Variants in LCA5 observed in about 807,000 individuals in gnomAD.
LCA5 encodes lebercilin LCA5, also known as lebercilin.
A neutral mutation model predicts 53.0 loss-of-function variants in LCA5; 37 were observed. The observed-to-expected ratio is 0.70, with a 90% CI of 0.54 to 0.92. LCA5 has a LOEUF of 0.92. Ranked by LOEUF, LCA5 falls within the 40% of genes least tolerant of loss-of-function variation. LCA5 has a pLI of 0.00. For missense variants in LCA5, 806 were observed against 790.5 expected, an observed-to-expected ratio of 1.02 and a Z score of -0.23; for synonymous variants, 303 against 282.9, an observed-to-expected ratio of 1.07 and a Z score of -0.71.
Position 79,486,041 on chromosome 6 carries a change from T to C in LCA5, c.*963A>G, listed in dbSNP as rs1233928122. 1.3e-5 allele frequency: 2 copies of C among 152,234 alleles called. No individual in the cohort carries two copies. Among genetic ancestry groups the C allele is most frequent in the African/African-American group, 2.4e-5 (1 of 41,470 alleles). 9.4% of individuals were successfully genotyped at this position (152,234 alleles called of 1,614,324 possible). On this transcript the variant is annotated 3_prime_UTR_variant, in exon 8 of 8. Coordinates refer to ENST00000369846, the MANE Select transcript of LCA5 (RefSeq NM_001122769.3). ...AAAACTAATCCTGTAAGTCCAATAG[T>C]ATTACACTATTGTTGTCTCCTTGGT... is the stretch of plus-strand genomic sequence containing the variant.
Position 79,485,531 on chromosome 6 carries a change from A to T in LCA5, c.*1473T>A, listed in dbSNP as rs1282509999. 1 of 152,398 alleles carries T rather than the reference A, an allele frequency of 6.6e-6. No individual in the cohort carries two copies. Among genetic ancestry groups the T allele is most frequent in the East Asian group, 1.9e-4 (1 of 5,192 alleles). 9.4% of individuals were successfully genotyped at this position (152,398 alleles called of 1,614,324 possible). A position where few individuals can be genotyped will look rare whatever the true frequency, so the allele number is the denominator to read the frequency against. On this transcript the variant is annotated 3_prime_UTR_variant, in exon 8 of 8. Transcript: ENST00000369846. ...ATTCTGTTCCCAATAAATGAAAGGA[A>T]CACAATTTAGAAGATGACAGGTGGT...
In LCA5 at chr6:79,487,442, T is replaced by C. The variant is rs368885365; in HGVS notation, c.1656A>G (p.Ala552=). 1.9e-6 allele frequency: 3 copies of C among 1,613,910 alleles called. No individual in the cohort carries two copies. The highest frequency in any genetic ancestry group is 2.5e-6 in the Non-Finnish European group (3 of 1,179,896). Residue 552 remains alanine (A), a synonymous_variant, in exon 8 of 8, where the codon GCA becomes GCG. Coordinates refer to ENST00000369846, the MANE Select transcript of LCA5 (RefSeq NM_001122769.3). The part of the protein sequence containing the change: ...VRSPASPNEF[A]FGSYVPSFAK... The stretch of plus-strand genomic sequence containing the variant: ...CAAACGAAGGCACGTAGCTACCAAA[T>C]GCGAACTCATTAGGGGAGGCTGGAC...
At chr6:79,507,800 G>A (rs1219175586) in intron 3 of LCA5, among the ~76,000 whole-genome samples, 3 of 152,106 alleles carry the variant, frequency 2.0e-5, no homozygotes, top group African/African-American at 7.2e-5. Context: ...TTAGGGGGTG[G>A]AGGTTAAGTG....
rs1769712421 is a variant in LCA5, at chr6:79,487,769, T to G, written c.1329A>C (p.Leu443=). The change falls in exon 8 of 8, where the codon CTA becomes CTC. Residue 443 remains leucine, a synonymous_variant. Transcript: ENST00000369846. The part of the protein sequence containing the change: ...KPEWETGRYQ[L]GMYPIQNMDK... Reference sequence around the variant, plus strand: ...CCATATTCTGAATTGGATACATTCCTAGTTGGTACCTTCCAGTTTCCCACT... The same window carrying G: ...CCATATTCTGAATTGGATACATTCCGAGTTGGTACCTTCCAGTTTCCCACT... The G allele has an allele frequency of 3.1e-6, 5 of 1,613,458 alleles. No homozygotes were observed. The East Asian group carries it at 8.9e-5, about 29-fold the overall frequency.
At chr6:79,522,857 T>C (rs951966010) in intron 1 of LCA5, among the ~76,000 whole-genome samples, 1 of 151,778 alleles carries the variant, frequency 6.6e-6, no homozygotes, top group African/African-American at 2.4e-5. Context: ...TGACCACATA[T>C]TTAATATTAA....
rs540325050 is a variant in LCA5 at position 79,509,858 on chromosome 6, T to C, written c.720+3354A>G. On this transcript the variant is annotated intron_variant, in intron 3 of 7. Coordinates refer to ENST00000369846, the MANE Select transcript of LCA5 (RefSeq NM_001122769.3). ...TAATGAGGAAAAAAATCGGATTGCC[T>C]AAATAAATGGAGACACATACTATGT... is the stretch of plus-strand genomic sequence containing the variant. Among the ~76,000 whole-genome samples the C allele has an allele frequency of 8.5e-5, 13 of 152,272 alleles. 1 individual carries two copies. In the South Asian group the frequency reaches 2.7e-3, roughly 32 times the overall value.
intron 4 of LCA5, among the ~76,000 whole-genome samples, chr6:79,492,911 G>C (rs571309055): frequency 6.6e-6 from 1 of 152,098 alleles, no homozygotes; most frequent in East Asian, 1.9e-4. Context: ...TTACCTGATA[G>C]AGCTAGTACT....
At chr6:79,506,549 C>T (rs952548599) in intron 3 of LCA5, among the ~76,000 whole-genome samples, 1 of 152,102 alleles carries the variant, frequency 6.6e-6, no homozygotes, top group African/African-American at 2.4e-5. Flanking sequence ...TTTACTTTCA[C>T]CCCCTATTTG....
chr6:79,527,562 A>G (rs1297060183), intron 1 of LCA5, among the ~76,000 whole-genome samples: 2 of 152,202 alleles, frequency 1.3e-5, no homozygotes, highest in African/African-American at 4.8e-5. Context: ...ACAGCAGCGC[A>G]TGACTCCGCC....
intron 3 of LCA5, among the ~76,000 whole-genome samples, chr6:79,512,470 T>C (rs903827837): frequency 1.3e-5 from 2 of 152,188 alleles, no homozygotes; most frequent in African/African-American, 2.4e-5. Flanking sequence ...ATCTGATTAA[T>C]ATACTGCAGA....
chr6:79,521,488 C>G (rs951294516), intron 1 of LCA5, among the ~76,000 whole-genome samples: 4 of 152,128 alleles, frequency 2.6e-5, no homozygotes, highest in Non-Finnish European at 5.9e-5. Context: ...CAGACTTATA[C>G]ACATGTACTG....
At chr6:79,515,346 G>A (rs1336356444) in intron 2 of LCA5, among the ~76,000 whole-genome samples, 1 of 152,070 alleles carries the variant, frequency 6.6e-6, no homozygotes, top group African/African-American at 2.4e-5. Context: ...TTCCTCAGAG[G>A]ATTTCTTTTC....
chr6:79,519,046 C>T lies in LCA5; in HGVS notation c.-152G>A. Reference sequence around the variant, plus strand: ...TTTTCTCCACAATGTATTTGTAGACCACAATTCACATTGGCATCCAGAAGA... The same window carrying T: ...TTTTCTCCACAATGTATTTGTAGACTACAATTCACATTGGCATCCAGAAGA... On this transcript the variant is annotated 5_prime_UTR_variant, in exon 2 of 8. Coordinates refer to ENST00000369846, the MANE Select transcript of LCA5 (RefSeq NM_001122769.3). 1 of 839,230 alleles carries T rather than the reference C, an allele frequency of 1.2e-6. No homozygotes were observed. Among genetic ancestry groups the T allele is most frequent in the South Asian group, 1.5e-5 (1 of 67,760 alleles). The allele number at this position is 839,230 out of a possible 1,614,324, so 52.0% of individuals were successfully genotyped here. A position where few individuals can be genotyped will look rare whatever the true frequency, so the allele number is the denominator to read the frequency against.
At chr6:79,526,005 A>G (rs933566051) in intron 1 of LCA5, among the ~76,000 whole-genome samples, 5 of 152,220 alleles carry the variant, frequency 3.3e-5, no homozygotes, top group Non-Finnish European at 7.3e-5. Flanking sequence ...TACCCTCACT[A>G]AACAAGTATG....
At chr6:79,528,378 C>T (rs893478451) in intron 1 of LCA5, among the ~76,000 whole-genome samples, 2 of 152,096 alleles carry the variant, frequency 1.3e-5, no homozygotes, top group Admixed American at 1.3e-4. Context: ...ATGGCAATCA[C>T]TCAGCTCTCC....
rs546049914 is a variant in LCA5, at chr6:79,527,252, A to G, written c.-191-8167T>C. 2.0e-5 allele frequency among the ~76,000 whole-genome samples: 3 copies of G among 152,282 alleles called. No homozygotes were observed. The East Asian group carries it at 5.8e-4, about 29-fold the overall frequency. On this transcript the variant is annotated intron_variant, in intron 1 of 7. Transcript: ENST00000369846. ...AACAACAGTAAAAAGTGCCTGGGTC[A>G]CCTAAGGAACCCTTAAAGTTAACTC... is the stretch of plus-strand genomic sequence containing the variant.
intron 3 of LCA5, among the ~76,000 whole-genome samples, chr6:79,510,222 C>A (rs1770375888): frequency 6.6e-6 from 1 of 152,012 alleles, no homozygotes; most frequent in Non-Finnish European, 1.5e-5. Context: ...GCCCAACTGA[C>A]AAAAGTGCCA....
intron 2 of LCA5, among the ~76,000 whole-genome samples, chr6:79,515,881 G>A (rs1316774436): frequency 6.6e-6 from 1 of 152,008 alleles, no homozygotes; most frequent in Admixed American, 6.6e-5. Context: ...AAAAAGAAAT[G>A]AGGGAGTGCT....
intron 1 of LCA5, among the ~76,000 whole-genome samples, chr6:79,519,938 C>CA (rs1394903548): frequency 6.6e-6 from 1 of 151,686 alleles, no homozygotes; most frequent in African/African-American, 2.4e-5. Flanking sequence ...TATAAGACTC[C>CA]AAAAAGGCAA....
Sources: gnomAD v4.1 joint callset for allele counts (sites outside exome capture counted in the v4.1 genomes callset) on GRCh38, gnomAD v4.1.1 for gene constraint, MANE v1.5 for transcripts, NCBI Gene and HGNC (gene_info 2026-07-23, HGNC 2026-07-21) for gene names.